Variants in ABLIM1 observed in about 807,000 individuals in gnomAD.
The protein encoded by ABLIM1 is actin-binding LIM protein 1.
Under a neutral mutation model 107.0 loss-of-function variants are expected in ABLIM1, and 40 were observed. The ratio of observed to expected loss-of-function variants is 0.37; its 90% CI spans 0.29 to 0.49. The LOEUF (loss-of-function observed/expected upper bound fraction) is 0.49. ABLIM1 is among the 20% of genes least tolerant of loss of function. ABLIM1 has a pLI of 0.97. For missense variants in ABLIM1, 857 were observed against 1,008.5 expected (o/e 0.85, Z 2.04); for synonymous variants, 357 against 357.3 (o/e 1.00, Z 0.01).
chr10:114,650,911 T>G (rs1322012946), intron 1 of ABLIM1, among the ~76,000 whole-genome samples: 1 of 152,170 alleles, frequency 6.6e-6, no homozygotes, highest in Non-Finnish European at 1.5e-5. Context: ...AATACGTATT[T>G]TCTCTTAGGG....
At chr10:114,562,903 C>T (rs779054000) in intron 4 of ABLIM1, among the ~76,000 whole-genome samples, 21 of 152,146 alleles carry the variant, frequency 1.4e-4, no homozygotes, top group African/African-American at 3.9e-4. Flanking sequence ...CAGTAGCTGA[C>T]GGTCTGGTCA....
chr10:114,464,541 G>A (rs141450791), intron 12 of ABLIM1, among the ~76,000 whole-genome samples: 7 of 152,134 alleles, frequency 4.6e-5, no homozygotes, highest in Admixed American at 3.3e-4. Context: ...CGGGACTCAC[G>A]TCCTGGGCAT....
rs1331306941 is a variant in ABLIM1 at position 114,619,952 on chromosome 10, T to C, written c.245-17991A>G. 6.6e-6 allele frequency among the ~76,000 whole-genome samples: 1 copy of C among 152,226 alleles called. No individual in the cohort carries two copies. Among genetic ancestry groups the C allele is most frequent in the Non-Finnish European group, 1.5e-5 (1 of 68,046 alleles). On this transcript the variant is annotated intron_variant, in intron 1 of 22. Coordinates refer to ENST00000533213, the MANE Select transcript of ABLIM1 (RefSeq NM_002313.7). The surrounding 1 kb of genome is among the most constrained non-coding windows in gnomAD (Gnocchi z 4.1). ...CAAATGAAAGATTCAGACATTCTTT[T>C]GTCAAAACCTGTCCCGTTGCAAGTG...
At chr10:114,684,277 T>C in intron 1 of ABLIM1, 3 of 1,611,864 alleles carry the variant, frequency 1.9e-6, no homozygotes, top group African/African-American at 1.3e-5. Flanking sequence ...CTTTACAAAA[T>C]GGACGGTCTA....
intron 1 of ABLIM1, among the ~76,000 whole-genome samples, chr10:114,623,135 T>C (rs2077572322): frequency 6.6e-6 from 1 of 152,202 alleles, no homozygotes; most frequent in Non-Finnish European, 1.5e-5. Context: ...AATTTTTGTA[T>C]TGTTAATGAA....
chr10:114,581,921 T>C (rs912785697), intron 2 of ABLIM1, among the ~76,000 whole-genome samples: 2 of 152,226 alleles, frequency 1.3e-5, no homozygotes, highest in Non-Finnish European at 1.5e-5. Context: ...AATATCATAC[T>C]GAACAGGCAA....
chr10:114,549,690 C>T (rs918578157), intron 4 of ABLIM1, among the ~76,000 whole-genome samples: 21 of 152,024 alleles, frequency 1.4e-4, no homozygotes, highest in Non-Finnish European at 2.9e-4. Context: ...TCTCTAATAA[C>T]AAAAACTGGA....
chr10:114,479,871 T>G (rs1231776619), intron 8 of ABLIM1, among the ~76,000 whole-genome samples: 2 of 152,260 alleles, frequency 1.3e-5, no homozygotes, highest in Non-Finnish European at 1.5e-5. Context: ...ACATCTTGTT[T>G]ATTAAAAGAA....
chr10:114,603,960 A>C (rs926460312), intron 1 of ABLIM1, among the ~76,000 whole-genome samples: 1 of 151,434 alleles, frequency 6.6e-6, no homozygotes, highest in African/African-American at 2.4e-5. Flanking sequence ...TCTCAAAAAA[A>C]AAAAAAAAAA....
At chr10:114,726,499 T>C (rs2081962647) in intron 1 of ABLIM1, among the ~76,000 whole-genome samples, 1 of 151,980 alleles carries the variant, frequency 6.6e-6, no homozygotes, top group African/African-American at 2.4e-5. Context: ...GGGGAGATTT[T>C]AAACAACCAG....
chr10:114,562,851 GA>G (rs1267027400), intron 4 of ABLIM1, among the ~76,000 whole-genome samples: 1 of 151,894 alleles, frequency 6.6e-6, no homozygotes, highest in African/African-American at 2.4e-5. Context: ...AAGCCAAAAA[GA>G]AAAAAACCCC....
At chr10:114,727,179 A>G (rs2081977837) in intron 1 of ABLIM1, among the ~76,000 whole-genome samples, 1 of 152,192 alleles carries the variant, frequency 6.6e-6, no homozygotes, top group Non-Finnish European at 1.5e-5. Flanking sequence ...ACCAAGATAA[A>G]TGTATGGTGT....
In ABLIM1 at chr10:114,658,186, A is replaced by G; in HGVS notation, c.15T>C (p.Leu5=). The G allele has an allele frequency of 6.2e-7, 1 of 1,605,124 alleles. No individual in the cohort carries two copies. Among genetic ancestry groups the G allele is most frequent in the Non-Finnish European group, 8.5e-7 (1 of 1,173,130 alleles). ...ACAATTTCCCCAGACACTTTAGACCAAGGAAGGCAGGCATCTTGGCATGGA... is the reference window on the plus strand; with the variant it reads ...ACAATTTCCCCAGACACTTTAGACCGAGGAAGGCAGGCATCTTGGCATGGA... The part of the protein sequence containing the change: MPAF[L]GLKCLGKLCS... Residue 5 remains leucine, a synonymous_variant, in exon 1 of 23, where the codon CTT becomes CTC. Transcript: ENST00000533213.
intron 1 of ABLIM1, among the ~76,000 whole-genome samples, chr10:114,745,403 A>C (rs946104973): frequency 1.3e-5 from 2 of 151,472 alleles, no homozygotes; most frequent in African/African-American, 2.4e-5. Flanking sequence ...TGTACTAAAA[A>C]TACAAAAATT....
At chr10:114,752,387 C>T (rs1020806096) in intron 1 of ABLIM1, among the ~76,000 whole-genome samples, 2 of 152,138 alleles carry the variant, frequency 1.3e-5, no homozygotes, top group African/African-American at 4.8e-5. Context: ...AAGTAGGGAC[C>T]TTTGGACGCA....
intron 1 of ABLIM1, among the ~76,000 whole-genome samples, chr10:114,758,865 A>G (rs1045726915): frequency 9.9e-5 from 15 of 152,206 alleles, no homozygotes; most frequent in African/African-American, 3.1e-4. Context: ...ATTTATACAT[A>G]TATCATCTAA....
upstream of ABLIM1, among the ~76,000 whole-genome samples, chr10:114,771,272 T>G (rs535317550): frequency 1.3e-5 from 2 of 152,228 alleles, no homozygotes; most frequent in Non-Finnish European, 2.9e-5. Context: ...ATGCTTGTAA[T>G]AGACTACACA....
At chr10:114,729,435 T>C (rs2082028223) in intron 1 of ABLIM1, among the ~76,000 whole-genome samples, 1 of 152,072 alleles carries the variant, frequency 6.6e-6, no homozygotes, top group African/African-American at 2.4e-5. Context: ...GAGCTAATTA[T>C]CTCTAGTATA....
chr10:114,613,142 G>A (rs1171254914), intron 1 of ABLIM1, among the ~76,000 whole-genome samples: 1 of 152,132 alleles, frequency 6.6e-6, no homozygotes, highest in Non-Finnish European at 1.5e-5. Context: ...AATGAAAAAA[G>A]CTAATACATG....
Sources: allele counts gnomAD v4.1 joint callset (sites outside exome capture counted in the v4.1 genomes callset), GRCh38; gene constraint gnomAD v4.1.1; non-coding constraint Gnocchi (gnomAD v3.1); transcripts MANE v1.5; gene names NCBI Gene and HGNC (gene_info 2026-07-23, HGNC 2026-07-21).